Variants in DDX4 observed in about 807,000 individuals in gnomAD.
The protein encoded by DDX4 is DEAD-box helicase 4.
Under a neutral mutation model 100.0 loss-of-function variants are expected in DDX4, and 25 were observed. The observed-to-expected ratio is 0.25, with a 90% confidence interval of 0.18 to 0.35. The LOEUF is 0.35. DDX4 is among the 10% of genes least tolerant of loss of function. The pLI is 1.00. For missense variants in DDX4, 635 were observed against 882.4 expected (o/e 0.72, Z 3.55); for synonymous variants, 259 against 275.7 (o/e 0.94, Z 0.60).
intron 2 of DDX4, among the ~76,000 whole-genome samples, chr5:55,740,672 A>ATTTTT (rs11294945): frequency 2.6e-5 from 3 of 113,630 alleles, no homozygotes. Flanking sequence ...CGCCCCGCTA[A>ATTTTT]TTTTTTTTTT....
chr5:55,809,474 T>C (rs1236367095), intron 18 of DDX4, among the ~76,000 whole-genome samples: 1 of 152,216 alleles, frequency 6.6e-6, no homozygotes, highest in Admixed American at 6.5e-5. Flanking sequence ...TGATTAAGCT[T>C]ATTTTCAAAG....
chr5:55,790,510 C>G, intron 15 of DDX4, 66 bp from the exon 16 acceptor site: 1 of 1,051,812 alleles, frequency 9.5e-7, no homozygotes, highest in Non-Finnish European at 1.4e-6. Flanking sequence ...TGTTTTATAT[C>G]TTGTTAGAAA....
intron 21 of DDX4, 106 bp from the exon 22 acceptor site, chr5:55,816,357 T>C (rs1052007981): frequency 6.9e-7 from 1 of 1,453,694 alleles, no homozygotes; most frequent in Non-Finnish European, 9.1e-7. Flanking sequence ...GAAGACATGG[T>C]AGATACTTTG....
chr5:55,771,289 A>AT (rs1312431481), intron 7 of DDX4, among the ~76,000 whole-genome samples: 1 of 152,022 alleles, frequency 6.6e-6, no homozygotes, highest in Non-Finnish European at 1.5e-5. Flanking sequence ...TTTCATGTTC[A>AT]TTTTTTACTC....
intron 14 of DDX4, 94 bp downstream of exon 14, chr5:55,786,764 A>G: frequency 1.1e-6 from 1 of 942,226 alleles, no homozygotes. Flanking sequence ...GAAGGTTTGT[A>G]GATGGTTTCA....
chr5:55,767,217 A>G (rs796621656), intron 6 of DDX4, among the ~76,000 whole-genome samples: 6 of 152,326 alleles, frequency 3.9e-5, no homozygotes, highest in African/African-American at 1.4e-4. Context: ...AGGTGGGCGA[A>G]TCACCTGAGG....
intron 18 of DDX4, among the ~76,000 whole-genome samples, chr5:55,804,625 A>G (rs1743569995): frequency 6.6e-6 from 1 of 151,962 alleles, no homozygotes; most frequent in African/African-American, 2.4e-5. Context: ...CAAAGATCAG[A>G]TAGTTGTAGA....
At chr5:55,770,011 G>T (rs1741158682) in intron 7 of DDX4, among the ~76,000 whole-genome samples, 1 of 152,032 alleles carries the variant, frequency 6.6e-6, no homozygotes, top group Admixed American at 6.5e-5. Context: ...GGGACTACAG[G>T]CATGTGCCAG....
chr5:55,744,635 ATG>A (rs1348275948), intron 2 of DDX4, among the ~76,000 whole-genome samples: 1 of 152,232 alleles, frequency 6.6e-6, no homozygotes, highest in East Asian at 1.9e-4. Context: ...AATGTAATGC[ATG>A]TGTGTTAATA....
intron 3 of DDX4, among the ~76,000 whole-genome samples, chr5:55,751,607 G>C (rs1190682380): frequency 2.0e-5 from 3 of 152,124 alleles, no homozygotes; most frequent in African/African-American, 7.2e-5. Flanking sequence ...TTCTACTTTT[G>C]TAAGTTGCCT....
intron 7 of DDX4, among the ~76,000 whole-genome samples, chr5:55,773,550 C>T (rs916071048): frequency 6.6e-5 from 10 of 152,028 alleles, no homozygotes; most frequent in South Asian, 2.1e-4. Context: ...CCACATCCAC[C>T]GATACTAGTT....
In DDX4 at chr5:55,798,524, G is replaced by A; in HGVS notation, c.1568G>A (p.Gly523Asp). The change falls in exon 18 of 22, where the codon GGC (glycine) becomes GAC (aspartate). Residue 523 changes from glycine to aspartate, a missense_variant. Gly to Asp is a moderately conservative substitution (Grantham distance 94). Transcript: ENST00000505374. ...GTTCAGCAGACCGTTCTCCAAGTTG[G>A]CCAGTTCTCAAAAAGAGAAAAGCTC... is the stretch of plus-strand genomic sequence containing the variant. Reference protein sequence around the residue: ...RDVQQTVLQVGQFSKREKLVE... With the variant: ...RDVQQTVLQVDQFSKREKLVE... 6.2e-7 allele frequency: 1 copy of A among 1,610,028 alleles called. No individual in the cohort carries two copies. The highest frequency in any genetic ancestry group is 8.5e-7 in the Non-Finnish European group (1 of 1,177,780).
chr5:55,747,278 T>C (rs1759295012), intron 3 of DDX4, among the ~76,000 whole-genome samples: 1 of 152,144 alleles, frequency 6.6e-6, no homozygotes, highest in Non-Finnish European at 1.5e-5. Flanking sequence ...CTCGGAAGGC[T>C]GAGGCAGGAG....
chr5:55,785,111 C>T (rs539599104), intron 10 of DDX4, among the ~76,000 whole-genome samples, 186 bp from the exon 11 acceptor site: 14 of 152,256 alleles, frequency 9.2e-5, no homozygotes, highest in Middle Eastern at 3.4e-3. Context: ...GTCTCCTCTA[C>T]GTAAAATCAT....
chr5:55,760,706 T>G (rs1740481078), intron 4 of DDX4, among the ~76,000 whole-genome samples: 3 of 152,180 alleles, frequency 2.0e-5, no homozygotes, highest in Admixed American at 2.0e-4. Context: ...TATTAATTTT[T>G]TAAGAGTTTA....
chr5:55,768,785 C>T (rs1435408233), intron 7 of DDX4, among the ~76,000 whole-genome samples: 1 of 152,196 alleles, frequency 6.6e-6, no homozygotes, highest in Admixed American at 6.5e-5. Context: ...AGCTTGCCAG[C>T]ATCTGTTATT....
chr5:55,794,709 G>A (rs1289648454), intron 17 of DDX4, among the ~76,000 whole-genome samples: 1 of 152,028 alleles, frequency 6.6e-6, no homozygotes, highest in East Asian at 1.9e-4. Flanking sequence ...TAAGCTCTGG[G>A]GATATATGTT....
chr5:55,747,903 A>C (rs1580511093), intron 3 of DDX4, among the ~76,000 whole-genome samples: 1 of 152,338 alleles, frequency 6.6e-6, no homozygotes, highest in African/African-American at 2.4e-5. Context: ...TTCTTATAAA[A>C]AATTAGTAGA....
At position 55,781,918 on chromosome 5, in the gene DDX4, A is replaced by G. The variant is rs767922191; in HGVS notation, c.578-16A>G. Reference sequence around the variant, plus strand: ...CTGTGTTTTATCTAAATATGTTGTGAAACAATGCCTTACAGGTAATGGTGA... The same window carrying G: ...CTGTGTTTTATCTAAATATGTTGTGGAACAATGCCTTACAGGTAATGGTGA... On this transcript the variant is annotated splice_polypyrimidine_tract_variant and intron_variant, in intron 9 of 21. Transcript: ENST00000505374. 32 of 1,613,784 alleles carry G rather than the reference A, an allele frequency of 2.0e-5. No homozygotes were observed. The African/African-American group carries it at 4.0e-4, about 20-fold the overall frequency.
Sources: allele counts gnomAD v4.1 joint callset (sites outside exome capture counted in the v4.1 genomes callset), GRCh38; gene constraint gnomAD v4.1.1; transcripts MANE v1.5; gene names NCBI Gene and HGNC (gene_info 2026-07-23, HGNC 2026-07-21).